The following ALPK2 variants were observed in gnomAD, a reference collection of about 807,000 sequenced individuals.
The protein encoded by ALPK2 is alpha kinase 2.
A neutral mutation model predicts 163.1 loss-of-function variants in ALPK2; 127 were observed. The observed-to-expected ratio is 0.78, with a 90% CI of 0.67 to 0.90. The LOEUF is 0.90. Ranked by LOEUF, ALPK2 falls within the 40% of genes least tolerant of loss-of-function variation. ALPK2 has a pLI of 0.00. For synonymous variants in ALPK2, 953 were observed against 959.1 expected, an observed-to-expected ratio of 0.99 and a Z score of 0.12; for missense variants, 2,360 against 2,589.6, an observed-to-expected ratio of 0.91 and a Z score of 1.92.
intron 10 of ALPK2, among the ~76,000 whole-genome samples, chr18:58,510,279 T>A (rs1298106496): frequency 6.6e-6 from 1 of 152,238 alleles, no homozygotes; most frequent in Non-Finnish European, 1.5e-5. Flanking sequence ...GCTGTTTTGA[T>A]TACTGTAGCC....
chr18:58,593,366 C>G (rs151048057), intron 3 of ALPK2, among the ~76,000 whole-genome samples: 2,834 of 151,420 alleles, frequency 0.019, 77 homozygotes, highest in African/African-American at 0.063. Flanking sequence ...GAGTTCAAGA[C>G]CAGCCTGGCC....
At chr18:58,591,550 T>C (rs1050646980) in intron 3 of ALPK2, among the ~76,000 whole-genome samples, 3 of 151,816 alleles carry the variant, frequency 2.0e-5, no homozygotes, top group Admixed American at 2.0e-4. Flanking sequence ...TGCAAGATAA[T>C]GAAGGGAGGT....
At chr18:58,485,941 C>T (rs2051336769) in intron 12 of ALPK2, among the ~76,000 whole-genome samples, 1 of 141,142 alleles carries the variant, frequency 7.1e-6, no homozygotes, top group Non-Finnish European at 1.5e-5. Context: ...ATTCAGACAA[C>T]ATCTGGTCTC....
At chr18:58,621,117 C>A (rs112142815) in intron 1 of ALPK2, among the ~76,000 whole-genome samples, 21,110 of 149,834 alleles carry the variant, frequency 0.14, 1,852 homozygotes, top group Non-Finnish European at 0.2. Flanking sequence ...TGCACCACTG[C>A]ACTCCAGTAT....
chr18:58,525,685 A>G (rs2051580594), intron 6 of ALPK2, among the ~76,000 whole-genome samples: 2 of 151,926 alleles, frequency 1.3e-5, no homozygotes, highest in African/African-American at 4.8e-5. Context: ...GTCACCCTCA[A>G]TTTCCTCCTC....
intron 1 of ALPK2, among the ~76,000 whole-genome samples, chr18:58,626,116 T>TA (rs1235787334): frequency 1.3e-5 from 2 of 152,188 alleles, no homozygotes; most frequent in South Asian, 2.1e-4. Flanking sequence ...AACCTGTCTG[T>TA]AACCGAAGCG....
chr18:58,496,953 G>A (rs4940720), intron 12 of ALPK2, among the ~76,000 whole-genome samples: 15,197 of 152,270 alleles, frequency 0.1, 1,167 homozygotes, highest in East Asian at 0.39. Flanking sequence ...CCAGACACTA[G>A]GGCCAGCCCT....
At chr18:58,594,380 A>G (rs952236290) in intron 3 of ALPK2, among the ~76,000 whole-genome samples, 1 of 152,234 alleles carries the variant, frequency 6.6e-6, no homozygotes, top group Non-Finnish European at 1.5e-5. Context: ...ATCCAGAAAC[A>G]ATTTCCACCC....
chr18:58,519,094 T>G (rs550700905), intron 8 of ALPK2, among the ~76,000 whole-genome samples: 1 of 152,314 alleles, frequency 6.6e-6, no homozygotes, highest in East Asian at 1.9e-4. Flanking sequence ...AGAACTGGGT[T>G]GGAGCTGCAG....
intron 3 of ALPK2, among the ~76,000 whole-genome samples, chr18:58,583,249 G>T (rs572588842): frequency 6.6e-6 from 1 of 152,248 alleles, no homozygotes; most frequent in South Asian, 2.1e-4. Flanking sequence ...TACAGAGTCT[G>T]CTGTGAGTCT....
At chr18:58,590,712 A>T (rs1011322562) in intron 3 of ALPK2, among the ~76,000 whole-genome samples, 1 of 152,214 alleles carries the variant, frequency 6.6e-6, no homozygotes, top group African/African-American at 2.4e-5. Flanking sequence ...GAATTTCTTG[A>T]TCATATTTTC....
intron 4 of ALPK2, among the ~76,000 whole-genome samples, chr18:58,548,805 A>G (rs72629867): frequency 0.13 from 19,371 of 152,200 alleles, 1,607 homozygotes; most frequent in East Asian, 0.21. Context: ...TACTTGGTGC[A>G]ATGAGCATGG....
At chr18:58,498,136 T>C in intron 11 of ALPK2, 39 bp from the exon 12 acceptor site, 1 of 1,605,818 alleles carries the variant, frequency 6.2e-7, no homozygotes, top group Non-Finnish European at 8.5e-7. Flanking sequence ...TTTGTGTTAC[T>C]CAGGGCCCCT....
chr18:58,580,178 C>T lies in ALPK2; in HGVS notation c.598G>A (p.Gly200Arg), dbSNP rs758684638. 1 of 1,614,244 alleles carries T rather than the reference C, an allele frequency of 6.2e-7. No individual in the cohort carries two copies. The highest frequency in any genetic ancestry group is 2.2e-5 in the East Asian group (1 of 44,894). Residue 200 changes from glycine (G) to arginine (R), a missense_variant, in exon 4 of 13, where the codon GGA (glycine) becomes AGA (arginine). Transcript: ENST00000361673. ...PLGVKGTRHT[G>R]EAYDPSNTEE... ...GTGTTACTTGGATCATAAGCCTCTC[C>T]AGTGTGCCTTGTTCCTTTAACACCC... is the stretch of plus-strand genomic sequence containing the variant.
At chr18:58,492,292 A>G (rs1408309471) in intron 12 of ALPK2, among the ~76,000 whole-genome samples, 1 of 151,844 alleles carries the variant, frequency 6.6e-6, no homozygotes, top group African/African-American at 2.4e-5. Flanking sequence ...ATACGCGCAC[A>G]CACACACGCA....
chr18:58,553,958 T>G (rs1401890087), intron 4 of ALPK2, among the ~76,000 whole-genome samples: 1 of 141,660 alleles, frequency 7.1e-6, no homozygotes, highest in Non-Finnish European at 1.5e-5. Flanking sequence ...GCCTCCCAGG[T>G]TCAAGCGATT....
chr18:58,606,885 CA>C (rs923189782), intron 3 of ALPK2, among the ~76,000 whole-genome samples: 1 of 152,078 alleles, frequency 6.6e-6, no homozygotes, highest in African/African-American at 2.4e-5. Flanking sequence ...AAAATAAAGC[CA>C]GGGGGTATGG....
At chr18:58,502,134 C>CCGCA (rs1491269806) in intron 11 of ALPK2, among the ~76,000 whole-genome samples, 1 of 118,778 alleles carries the variant, frequency 8.4e-6, no homozygotes, top group Non-Finnish European at 1.7e-5. Context: ...AACCCCATCT[C>CCGCA]CACACACACA....
At chr18:58,503,039 C>A (rs2051440585) in intron 11 of ALPK2, among the ~76,000 whole-genome samples, 1 of 152,238 alleles carries the variant, frequency 6.6e-6, no homozygotes, top group South Asian at 2.1e-4. Flanking sequence ...TTCCCTACTC[C>A]TCTACTGGCG....
Sources: gnomAD v4.1 joint callset for allele counts (sites outside exome capture counted in the v4.1 genomes callset) on GRCh38, gnomAD v4.1.1 for gene constraint, MANE v1.5 for transcripts, NCBI Gene and HGNC (gene_info 2026-07-23, HGNC 2026-07-21) for gene names.